The following CUX1 variants were observed in gnomAD, a reference collection of about 807,000 sequenced individuals.
CUX1 encodes the protein cut like homeobox 1, also known as protein CASP.
A neutral mutation model predicts 158.8 loss-of-function variants in CUX1; 31 were observed. The ratio of observed to expected loss-of-function variants is 0.20; its 90% CI spans 0.15 to 0.26. The LOEUF (loss-of-function observed/expected upper bound fraction) is 0.26. Among genes scored for constraint, CUX1 ranks in the 10% least tolerant of loss-of-function variants. The pLI, the probability that CUX1 is intolerant of heterozygous loss-of-function variation, is 1.00. For missense variants in CUX1, 1,589 were observed against 2,014.6 expected, an observed-to-expected ratio of 0.79 and a Z score of 4.04; for synonymous variants, 879 against 862.1, an observed-to-expected ratio of 1.02 and a Z score of -0.34.
chr7:102,181,689 A>G (rs1351604989), intron 11 of CUX1, among the ~76,000 whole-genome samples: 1 of 152,186 alleles, frequency 6.6e-6, no homozygotes, highest in Non-Finnish European at 1.5e-5. Flanking sequence ...TCTAGTAACA[A>G]GACTTCTGAT....
intron 13 of CUX1, among the ~76,000 whole-genome samples, chr7:102,194,477 G>A (rs1794590018): frequency 1.3e-5 from 2 of 151,454 alleles, no homozygotes; most frequent in African/African-American, 2.4e-5. Context: ...ACATATACCC[G>A]TGGTCCCAGC....
chr7:101,972,820 G>A (rs1012032301), intron 2 of CUX1, among the ~76,000 whole-genome samples: 28 of 152,172 alleles, frequency 1.8e-4, no homozygotes, highest in African/African-American at 6.0e-4. Context: ...CCGGGAGCTC[G>A]CCGCGTGGTA....
At chr7:102,162,977 G>A (rs1790616685) in intron 9 of CUX1, among the ~76,000 whole-genome samples, 1 of 152,190 alleles carries the variant, frequency 6.6e-6, no homozygotes, top group South Asian at 2.1e-4. Context: ...TGGACCGAAG[G>A]AGGGATTGAA....
chr7:102,205,015 A>C, intron 19 of CUX1, 99 bp from the exon 20 acceptor site: 1 of 803,274 alleles, frequency 1.2e-6, no homozygotes, highest in Non-Finnish European at 2.1e-6. Flanking sequence ...CCTCCCCAGG[A>C]GGAATGGGAA....
intron 9 of CUX1, among the ~76,000 whole-genome samples, chr7:102,160,051 T>C (rs1554506586): frequency 1.4e-5 from 2 of 147,982 alleles, no homozygotes; most frequent in Non-Finnish European, 3.0e-5. Context: ...TGCGGTGACA[T>C]GCACCTGTCA....
intron 11 of CUX1, among the ~76,000 whole-genome samples, chr7:102,183,701 C>T (rs1793359403): frequency 6.6e-6 from 1 of 152,312 alleles, no homozygotes; most frequent in Non-Finnish European, 1.5e-5. Flanking sequence ...ACCGAAGACT[C>T]CCACACCAAC....
chr7:101,857,766 A>T (rs1562935194), intron 1 of CUX1, among the ~76,000 whole-genome samples: 1 of 151,710 alleles, frequency 6.6e-6, no homozygotes, highest in African/African-American at 2.4e-5. Context: ...TTTGCAGGGA[A>T]TTTTTTTCCC....
At chr7:102,159,943 G>A (rs1389986012) in intron 9 of CUX1, among the ~76,000 whole-genome samples, 5 of 151,804 alleles carry the variant, frequency 3.3e-5, no homozygotes, top group African/African-American at 1.2e-4. Flanking sequence ...CACCTGGGGA[G>A]GCCGAGATGG....
intron 11 of CUX1, among the ~76,000 whole-genome samples, chr7:102,183,215 TGTTG>T (rs1793292420): frequency 6.6e-6 from 1 of 152,202 alleles, no homozygotes; most frequent in South Asian, 2.1e-4. Flanking sequence ...GGTTTCACCA[TGTTG>T]GCCAGGCTGG....
intron 1 of CUX1, among the ~76,000 whole-genome samples, chr7:101,819,980 A>G (rs922944300): frequency 5.3e-5 from 8 of 152,206 alleles, no homozygotes; most frequent in Non-Finnish European, 1.2e-4. Context: ...AGTCTGGTGA[A>G]CTGTGCTGAG....
At chr7:102,187,343 A>T (rs1001378420) in intron 11 of CUX1, among the ~76,000 whole-genome samples, 8 of 147,476 alleles carry the variant, frequency 5.4e-5, no homozygotes, top group Admixed American at 6.8e-5. Context: ...AAATAACTTT[A>T]AAAAAAAAAA....
chr7:102,280,993 C>G, intron 20 of CUX1: 1 of 757,136 alleles, frequency 1.3e-6, no homozygotes, highest in Non-Finnish European at 2.2e-6. Context: ...TGATCTGGGA[C>G]AGGGTCTCTC....
intron 8 of CUX1, among the ~76,000 whole-genome samples, chr7:102,138,182 TC>T (rs1473155575): frequency 6.6e-6 from 1 of 152,228 alleles, no homozygotes; most frequent in Non-Finnish European, 1.5e-5. Flanking sequence ...AGATCCCGTC[TC>T]CAAAAACAAA....
chr7:102,275,147 T>C, intron 16 of CUX1: 2 of 808,856 alleles, frequency 2.5e-6, no homozygotes, highest in South Asian at 1.7e-5. Context: ...CCCCATGGCA[T>C]TTGGCAGAAA....
At chr7:102,111,238 C>T (rs1554489955) in intron 6 of CUX1, among the ~76,000 whole-genome samples, 6 of 152,008 alleles carry the variant, frequency 3.9e-5, no homozygotes, top group Non-Finnish European at 7.4e-5. Flanking sequence ...ATTGCAGTTG[C>T]GTTTGCATTC....
intron 2 of CUX1, among the ~76,000 whole-genome samples, chr7:101,929,413 A>C (rs1187982877): frequency 6.6e-6 from 1 of 152,170 alleles, no homozygotes; most frequent in Non-Finnish European, 1.5e-5. Context: ...AGAGTAGCCC[A>C]TAACTTGTCT....
At chr7:101,943,643 T>C (rs1807993324) in intron 2 of CUX1, among the ~76,000 whole-genome samples, 1 of 150,808 alleles carries the variant, frequency 6.6e-6, no homozygotes, top group East Asian at 1.9e-4. Context: ...CACAAGTAGG[T>C]TGGGAACAGT....
intron 14 of CUX1, among the ~76,000 whole-genome samples, chr7:102,268,431 T>A (rs1212148337): frequency 6.6e-6 from 1 of 152,040 alleles, no homozygotes; most frequent in Non-Finnish European, 1.5e-5. Context: ...TCCTGCCTCA[T>A]CTTGGTGCCT....
chr7:101,976,429 G>A (rs566268989), intron 2 of CUX1, among the ~76,000 whole-genome samples: 1 of 152,172 alleles, frequency 6.6e-6, no homozygotes, highest in East Asian at 1.9e-4. Flanking sequence ...TTGAGCGATG[G>A]GAAATGTGAA....
Sources: allele counts gnomAD v4.1 joint callset (sites outside exome capture counted in the v4.1 genomes callset), GRCh38; gene constraint gnomAD v4.1.1; transcripts MANE v1.5; gene names NCBI Gene and HGNC (gene_info 2026-07-23, HGNC 2026-07-21).